VPS8: variants seen among roughly 807,000 people sequenced by gnomAD.
The protein encoded by VPS8 is VPS8 subunit of CORVET complex.
Under a neutral mutation model 216.4 loss-of-function variants are expected in VPS8, and 129 were observed. That is an observed-to-expected ratio of 0.60 (90% CI 0.52 to 0.69). The LOEUF (loss-of-function observed/expected upper bound fraction) is 0.69. Ranked by LOEUF, VPS8 falls within the 30% of genes least tolerant of loss-of-function variation. The probability of loss-of-function intolerance (pLI) is 0.00; values close to 1 mark genes in which losing one functional copy is unlikely to be tolerated. For missense variants in VPS8, 1,531 were observed against 1,683.5 expected (o/e 0.91, Z 1.59); for synonymous variants, 571 against 565.4 (o/e 1.01, Z -0.14).
chr3:185,016,665 G>T (rs1157332952), intron 45 of VPS8, among the ~76,000 whole-genome samples: 1 of 152,192 alleles, frequency 6.6e-6, no homozygotes, highest in East Asian at 1.9e-4. Context: ...AATCCTGGCT[G>T]TAATGTCCCC....
At chr3:184,886,826 G>A (rs1228041161) in intron 22 of VPS8, among the ~76,000 whole-genome samples, 6 of 151,648 alleles carry the variant, frequency 4.0e-5, no homozygotes, top group East Asian at 1.9e-4. Context: ...TGATCCACCC[G>A]CCTCAGCCTC....
At chr3:184,871,958 CTG>C (rs1284392611) in intron 21 of VPS8, among the ~76,000 whole-genome samples, 2 of 152,000 alleles carry the variant, frequency 1.3e-5, no homozygotes, top group African/African-American at 4.8e-5. Context: ...GGTAGAGTAA[CTG>C]TTATTACTCT....
At chr3:184,901,610 C>T (rs1578156786) in intron 25 of VPS8, among the ~76,000 whole-genome samples, 1 of 151,756 alleles carries the variant, frequency 6.6e-6, no homozygotes, top group East Asian at 1.9e-4. Flanking sequence ...ATAGTTTCCC[C>T]AATGATAACA....
At chr3:184,927,435 A>C (rs1421082134) in intron 31 of VPS8, among the ~76,000 whole-genome samples, 1 of 152,170 alleles carries the variant, frequency 6.6e-6, no homozygotes, top group African/African-American at 2.4e-5. Context: ...AGAGTATCCT[A>C]GGTAAAAGAA....
At chr3:184,969,422 C>T (rs1427494752) in intron 39 of VPS8, among the ~76,000 whole-genome samples, 6 of 92,212 alleles carry the variant, frequency 6.5e-5, no homozygotes, top group African/African-American at 4.8e-5. Context: ...AGCCCCACCC[C>T]CCCCCCTTTT....
chr3:184,935,435 A>G (rs768273379), intron 34 of VPS8, among the ~76,000 whole-genome samples: 4 of 152,288 alleles, frequency 2.6e-5, no homozygotes, highest in East Asian at 1.9e-4. Context: ...ACCTAACACA[A>G]TAATTAAGAG....
chr3:184,923,230 T>G (rs750204588), intron 29 of VPS8, among the ~76,000 whole-genome samples: 5 of 152,176 alleles, frequency 3.3e-5, no homozygotes, highest in African/African-American at 4.8e-5. Context: ...GTTGCCCCCA[T>G]GAATTCAGCT....
At chr3:184,903,553 G>A (rs948824760) in intron 25 of VPS8, among the ~76,000 whole-genome samples, 1 of 152,100 alleles carries the variant, frequency 6.6e-6, no homozygotes, top group Non-Finnish European at 1.5e-5. Context: ...ATGGGATCAA[G>A]TGATCCTCCT....
At chr3:184,820,823 C>G (rs1421912974) in intron 1 of VPS8, among the ~76,000 whole-genome samples, 1 of 152,148 alleles carries the variant, frequency 6.6e-6, no homozygotes. Flanking sequence ...AAACCTAAAA[C>G]ATGATTTTAG....
At chr3:184,979,340 G>C (rs951812031) in intron 40 of VPS8, among the ~76,000 whole-genome samples, 2 of 152,118 alleles carry the variant, frequency 1.3e-5, no homozygotes, top group Non-Finnish European at 2.9e-5. Context: ...TCACATTCAG[G>C]TCCTGAGTAT....
intron 37 of VPS8, among the ~76,000 whole-genome samples, chr3:184,961,260 C>T (rs1353884066): frequency 1.3e-5 from 2 of 152,058 alleles, no homozygotes; most frequent in Non-Finnish European, 2.9e-5. Context: ...TAGTATGTTT[C>T]CCATTTAACA....
chr3:184,870,974 G>C (rs1366112458), intron 21 of VPS8, among the ~76,000 whole-genome samples, 169 bp downstream of exon 21: 3 of 152,088 alleles, frequency 2.0e-5, no homozygotes, highest in Non-Finnish European at 2.9e-5. Context: ...TTTAAGTAAT[G>C]GGTATAAATG....
chr3:184,947,769 G>C (rs962293437), intron 36 of VPS8, among the ~76,000 whole-genome samples: 2 of 152,058 alleles, frequency 1.3e-5, no homozygotes, highest in Non-Finnish European at 2.9e-5. Flanking sequence ...GATTTTTCTG[G>C]ATTGCTGTTT....
intron 37 of VPS8, among the ~76,000 whole-genome samples, chr3:184,958,768 G>T (rs1026295169): frequency 7.2e-5 from 11 of 152,232 alleles, no homozygotes; most frequent in Non-Finnish European, 1.5e-4. Context: ...CAAATTGCAA[G>T]TAAATAATAA....
chr3:184,848,397 G>A (rs543726344), intron 8 of VPS8, among the ~76,000 whole-genome samples: 4 of 152,106 alleles, frequency 2.6e-5, no homozygotes, highest in African/African-American at 9.6e-5. Context: ...TTTAAAAGAC[G>A]ATGGTATTCC....
Position 184,964,561 on chromosome 3 carries a change from A to G in VPS8, c.3273+4A>G, listed in dbSNP as rs1051835731. On this transcript the variant is annotated splice_donor_region_variant and intron_variant, in intron 38 of 47. Coordinates refer to ENST00000625842, the MANE Select transcript of VPS8 (RefSeq NM_001009921.3). Reference sequence around the variant, plus strand: ...TGCCTTCCTAATAATGTTAGAGGTAACACTTTACTATGTTTCTTTCATCAT... The same window carrying G: ...TGCCTTCCTAATAATGTTAGAGGTAGCACTTTACTATGTTTCTTTCATCAT... 7 of 1,462,834 alleles carry G rather than the reference A, an allele frequency of 4.8e-6. No individual in the cohort carries two copies. The African/African-American group carries it at 8.5e-5, about 18-fold the overall frequency. 90.6% of individuals were successfully genotyped at this position (1,462,834 alleles called of 1,614,324 possible).
At chr3:184,849,228 A>G (rs770721636) in intron 9 of VPS8, 33 bp downstream of exon 9, 6 of 1,598,304 alleles carry the variant, frequency 3.8e-6, no homozygotes, top group Non-Finnish European at 5.1e-6. Flanking sequence ...TTCATAAGAC[A>G]ATGTTAAAAC....
At chr3:184,920,905 G>A (rs1194561076) in intron 29 of VPS8, among the ~76,000 whole-genome samples, 2 of 152,186 alleles carry the variant, frequency 1.3e-5, no homozygotes, top group Non-Finnish European at 2.9e-5. Context: ...ACATCAATAT[G>A]CTACATTTAT....
chr3:184,961,041 A>C (rs1341521294), intron 37 of VPS8, among the ~76,000 whole-genome samples: 1 of 152,232 alleles, frequency 6.6e-6, no homozygotes, highest in East Asian at 1.9e-4. Flanking sequence ...CTCAATAAGC[A>C]TAGAAAAAGG....
Sources: gnomAD v4.1 joint callset for allele counts (sites outside exome capture counted in the v4.1 genomes callset) on GRCh38, gnomAD v4.1.1 for gene constraint, MANE v1.5 for transcripts, NCBI Gene and HGNC (gene_info 2026-07-23, HGNC 2026-07-21) for gene names.